Variants in RAD51B observed in about 807,000 individuals in gnomAD.
The protein encoded by RAD51B is RAD51 paralog B, also known as DNA repair protein RAD51 homolog 2.
A neutral mutation model predicts 42.2 loss-of-function variants in RAD51B; 38 were observed. The ratio of observed to expected loss-of-function variants is 0.90; its 90% confidence interval spans 0.70 to 1.18. The LOEUF is 1.18. RAD51B is among the 50% of genes most tolerant of loss of function. The pLI, the probability that RAD51B is intolerant of heterozygous loss-of-function variation, is 0.00. For missense variants in RAD51B, 373 were observed against 400.7 expected, an observed-to-expected ratio of 0.93 and a Z score of 0.59; for synonymous variants, 154 against 145.2, an observed-to-expected ratio of 1.06 and a Z score of -0.43.
chr14:68,455,746 TA>T (rs1226460407), intron 9 of RAD51B, among the ~76,000 whole-genome samples: 1 of 151,264 alleles, frequency 6.6e-6, no homozygotes. Flanking sequence ...AATTTTTTTT[TA>T]AAAAGTGTGT....
At chr14:68,542,726 G>A (rs552325149) in intron 10 of RAD51B, among the ~76,000 whole-genome samples, 29 of 152,172 alleles carry the variant, frequency 1.9e-4, no homozygotes, top group African/African-American at 6.5e-4. Context: ...AGTACTTTCT[G>A]ACTTCTAAAT....
chr14:68,372,465 G>T (rs2083284287), intron 8 of RAD51B, among the ~76,000 whole-genome samples: 1 of 152,072 alleles, frequency 6.6e-6, no homozygotes, highest in South Asian at 2.1e-4. Flanking sequence ...GGTAACCATT[G>T]GTAAAAGACC....
chr14:68,484,312 A>G (rs1227566324), intron 10 of RAD51B, among the ~76,000 whole-genome samples: 1 of 151,834 alleles, frequency 6.6e-6, no homozygotes, highest in Admixed American at 6.6e-5. Context: ...ACCTGCATGA[A>G]ACTTGTACAA....
chr14:68,194,432 T>C (rs1434460703), intron 7 of RAD51B, among the ~76,000 whole-genome samples: 1 of 152,150 alleles, frequency 6.6e-6, no homozygotes, highest in African/African-American at 2.4e-5. Context: ...GAAAATTGAA[T>C]AGACAACTCT....
chr14:67,995,868 T>C (rs55847102), intron 7 of RAD51B, among the ~76,000 whole-genome samples: 452 of 152,032 alleles, frequency 3.0e-3, no homozygotes, highest in Non-Finnish European at 4.5e-3. Flanking sequence ...CCGCCCGCCT[T>C]GGCCTCCCAA....
At chr14:68,448,137 C>G (rs2085465740) in intron 9 of RAD51B, among the ~76,000 whole-genome samples, 1 of 152,166 alleles carries the variant, frequency 6.6e-6, no homozygotes, top group Non-Finnish European at 1.5e-5. Flanking sequence ...AAAGTAGATA[C>G]TATAGGGAGC....
At chr14:68,518,571 C>T (rs779987853) in intron 10 of RAD51B, among the ~76,000 whole-genome samples, 7 of 147,414 alleles carry the variant, frequency 4.7e-5, no homozygotes, top group Admixed American at 3.4e-4. Context: ...CCCCAGGCCT[C>T]CCCCATCCAC....
intron 8 of RAD51B, among the ~76,000 whole-genome samples, chr14:68,408,213 C>T (rs1339111471): frequency 6.6e-6 from 1 of 152,052 alleles, no homozygotes; most frequent in Non-Finnish European, 1.5e-5. Flanking sequence ...TAGGATTTTA[C>T]AGTTAAATCA....
intron 7 of RAD51B, among the ~76,000 whole-genome samples, chr14:67,993,312 G>A (rs2140296351): frequency 6.6e-6 from 1 of 151,956 alleles, no homozygotes; most frequent in East Asian, 1.9e-4. Context: ...TATTTTTGTA[G>A]CCACTAACTA....
chr14:68,431,879 C>T lies in RAD51B; in HGVS notation c.957+20352C>T, dbSNP rs180827806. Among the ~76,000 whole-genome samples, 1,300 of 152,116 alleles carry T rather than the reference C, an allele frequency of 8.5e-3. 18 individuals are homozygous for T. The highest frequency in any genetic ancestry group is 0.03 in the African/African-American group (1,225 of 41,510). ...TTTAGATCTTTCCTGCTTTCTCTTG[C>T]GGGCATTTAGTGCTATAAATTTCCC... On this transcript the variant is annotated intron_variant, in intron 9 of 10. Coordinates refer to ENST00000471583, the MANE Select transcript of RAD51B (RefSeq NM_133510.4).
At chr14:68,498,849 T>A (rs1884724493) in intron 10 of RAD51B, among the ~76,000 whole-genome samples, 1 of 152,226 alleles carries the variant, frequency 6.6e-6, no homozygotes, top group African/African-American at 2.4e-5. Context: ...CCTTGCCGTC[T>A]GGTAGCTTAA....
chr14:68,137,522 G>A (rs1033231588), intron 7 of RAD51B, among the ~76,000 whole-genome samples: 6 of 152,030 alleles, frequency 3.9e-5, no homozygotes, highest in Non-Finnish European at 8.8e-5. Flanking sequence ...TAGTTGCATG[G>A]AATCCACATG....
intron 7 of RAD51B, among the ~76,000 whole-genome samples, chr14:68,244,796 C>G (rs2080461698): frequency 6.6e-6 from 1 of 152,196 alleles, no homozygotes; most frequent in African/African-American, 2.4e-5. Context: ...CCTTTGGTCA[C>G]ACTGCATTCC....
At chr14:68,285,381 C>T (rs979652765) in intron 7 of RAD51B, among the ~76,000 whole-genome samples, 1 of 152,154 alleles carries the variant, frequency 6.6e-6, no homozygotes, top group Admixed American at 6.5e-5. Context: ...AGCAGAGAGA[C>T]CATTTTTAGT....
chr14:67,978,112 A>T (rs2075027942), intron 7 of RAD51B, among the ~76,000 whole-genome samples: 1 of 152,114 alleles, frequency 6.6e-6, no homozygotes, highest in South Asian at 2.1e-4. Flanking sequence ...AGGATGATTT[A>T]TAATATCAGT....
chr14:68,204,754 G>A (rs2079553060), intron 7 of RAD51B, among the ~76,000 whole-genome samples: 4 of 152,208 alleles, frequency 2.6e-5, no homozygotes, highest in South Asian at 4.1e-4. Context: ...ATGAGTACAA[G>A]TATGTATCTA....
At chr14:68,541,673 T>A in intron 10 of RAD51B, 5 of 985,470 alleles carry the variant, frequency 5.1e-6, no homozygotes, top group Non-Finnish European at 6.0e-6. Context: ...GGGCCTTGTT[T>A]GGGCCTGAAG....
chr14:68,179,094 C>G (rs189895841), intron 7 of RAD51B, among the ~76,000 whole-genome samples: 7 of 147,760 alleles, frequency 4.7e-5, no homozygotes, highest in East Asian at 3.9e-4. Flanking sequence ...ACTCTAAAAC[C>G]CTTTCTTCCT....
intron 8 of RAD51B, among the ~76,000 whole-genome samples, chr14:68,346,787 C>T (rs1047553988): frequency 2.0e-5 from 3 of 152,158 alleles, no homozygotes; most frequent in African/African-American, 7.2e-5. Flanking sequence ...TGAATGGTTT[C>T]TCTCTCGGCC....
Sources: gnomAD v4.1 joint callset for allele counts (sites outside exome capture counted in the v4.1 genomes callset) on GRCh38, gnomAD v4.1.1 for gene constraint, MANE v1.5 for transcripts, NCBI Gene and HGNC (gene_info 2026-07-23, HGNC 2026-07-21) for gene names.